PDE8A: variants seen among roughly 807,000 people sequenced by gnomAD.
PDE8A encodes phosphodiesterase 8A.
A neutral mutation model predicts 105.0 loss-of-function variants in PDE8A; 59 were observed. The ratio of observed to expected loss-of-function variants is 0.56; its 90% CI spans 0.46 to 0.70. The LOEUF is 0.70. Ranked by LOEUF, PDE8A falls within the 30% of genes least tolerant of loss-of-function variation. The probability of loss-of-function intolerance (pLI) is 0.00; values close to 1 mark genes in which losing one functional copy is unlikely to be tolerated. For synonymous variants in PDE8A, 355 were observed against 371.9 expected, an observed-to-expected ratio of 0.95 and a Z score of 0.52; for missense variants, 1,014 against 1,045.9, an observed-to-expected ratio of 0.97 and a Z score of 0.42.
chr15:85,090,156 C>A (rs1288371512), intron 7 of PDE8A, among the ~76,000 whole-genome samples: 1 of 152,172 alleles, frequency 6.6e-6, no homozygotes, highest in Non-Finnish European at 1.5e-5. Flanking sequence ...TGTTTGAGGG[C>A]ACAGGCTTTG....
intron 1 of PDE8A, among the ~76,000 whole-genome samples, chr15:85,038,216 G>GGTGTGTGT (rs773765859): frequency 8.3e-5 from 4 of 48,292 alleles, no homozygotes; most frequent in Non-Finnish European, 1.3e-4. Context: ...CCAATTGGGG[G>GGTGTGTGT]GTGTGTGTGT....
chr15:85,052,128 C>T (rs2080985473), intron 1 of PDE8A, among the ~76,000 whole-genome samples: 2 of 152,146 alleles, frequency 1.3e-5, no homozygotes, highest in Admixed American at 1.3e-4. Flanking sequence ...CAGCTTCATC[C>T]ATGTCCCTAC....
chr15:85,083,502 C>A, intron 5 of PDE8A, 54 bp from the exon 6 acceptor site: 1 of 1,046,160 alleles, frequency 9.6e-7, no homozygotes, highest in Non-Finnish European at 1.5e-6. Flanking sequence ...TTTTTATTGG[C>A]ACAAATAAAG....
chr15:85,107,062 A>G (rs773968080), intron 11 of PDE8A, among the ~76,000 whole-genome samples: 1 of 152,192 alleles, frequency 6.6e-6, no homozygotes, highest in Non-Finnish European at 1.5e-5. Flanking sequence ...CAAGACAATA[A>G]AGCAGGCTGT....
intron 3 of PDE8A, among the ~76,000 whole-genome samples, chr15:85,072,810 C>CT (rs1389819073): frequency 2.0e-5 from 3 of 152,148 alleles, no homozygotes; most frequent in African/African-American, 7.2e-5. Context: ...AAGTAGCATG[C>CT]TTTTAAGACT....
At chr15:85,029,475 G>C (rs544852345) in intron 1 of PDE8A, among the ~76,000 whole-genome samples, 3 of 149,570 alleles carry the variant, frequency 2.0e-5, no homozygotes, top group East Asian at 3.9e-4. Flanking sequence ...AATTTGCAGA[G>C]ACAATGCTAT....
Position 84,982,194 on chromosome 15 carries a change from A to T in PDE8A, c.32A>T (p.Glu11Val), listed in dbSNP as rs2079723162. The T allele has an allele frequency of 2.0e-6, 3 of 1,483,904 alleles. No individual in the cohort carries two copies. Among genetic ancestry groups the T allele is most frequent in the African/African-American group, 1.5e-5 (1 of 68,118 alleles). The allele number at this position is 1,483,904 out of a possible 1,614,324, so 91.9% of individuals were successfully genotyped here. A position where few individuals can be genotyped will look rare whatever the true frequency, so the allele number is the denominator to read the frequency against. MGCAPSIHIS[E>V]RLVAEDAPSP... The stretch of plus-strand genomic sequence containing the variant: ...TGTGCCCCGAGCATCCACATTTCCG[A>T]GCGCCTGGTGGCCGAGGACGCGCCT... The change falls in exon 1 of 22, where the codon GAG (glutamate) becomes GTG (valine). Residue 11 changes from glutamate (E) to valine (V), a missense_variant. Coordinates refer to ENST00000394553, the MANE Select transcript of PDE8A (RefSeq NM_002605.3).
intron 8 of PDE8A, among the ~76,000 whole-genome samples, chr15:85,096,001 G>A (rs917968239): frequency 2.0e-4 from 31 of 151,594 alleles, no homozygotes; most frequent in African/African-American, 6.3e-4. Context: ...TCAGCCTCCC[G>A]AGTAGCTGGG....
intron 1 of PDE8A, among the ~76,000 whole-genome samples, chr15:85,005,826 A>G (rs1196163263): frequency 1.3e-5 from 2 of 152,116 alleles, no homozygotes; most frequent in Non-Finnish European, 2.9e-5. Flanking sequence ...AATACATATA[A>G]TAAGTTTAAA....
chr15:85,045,148 C>T (rs1056576001), intron 1 of PDE8A, among the ~76,000 whole-genome samples: 4 of 152,316 alleles, frequency 2.6e-5, no homozygotes, highest in South Asian at 4.1e-4. Flanking sequence ...TCCTGCATTG[C>T]TGCCTCAGAG....
intron 1 of PDE8A, among the ~76,000 whole-genome samples, chr15:85,054,848 G>A (rs577882609): frequency 1.3e-5 from 2 of 152,238 alleles, no homozygotes; most frequent in South Asian, 4.1e-4. Context: ...CTTGCCTTCT[G>A]CTAGCTTTTG....
intron 1 of PDE8A, among the ~76,000 whole-genome samples, chr15:85,019,288 A>G (rs763762470): frequency 1.3e-5 from 2 of 152,250 alleles, no homozygotes; most frequent in African/African-American, 2.4e-5. Flanking sequence ...ACACACATAG[A>G]TGTATTTAGG....
intron 1 of PDE8A, among the ~76,000 whole-genome samples, chr15:85,029,467 T>C (rs1476667326): frequency 2.0e-5 from 3 of 150,210 alleles, no homozygotes; most frequent in African/African-American, 7.4e-5. Flanking sequence ...CAGTCACAAA[T>C]TTGCAGAGAC....
At chr15:85,113,304 A>G (rs1385430528) in intron 12 of PDE8A, 73 bp from the exon 13 acceptor site, 1 of 1,222,392 alleles carries the variant, frequency 8.2e-7, no homozygotes, top group Non-Finnish European at 1.2e-6. Context: ...AGCCGAGCAC[A>G]CTGAGCCCTC....
At chr15:85,064,469 T>G in intron 2 of PDE8A, 43 bp downstream of exon 2, 1 of 1,330,058 alleles carries the variant, frequency 7.5e-7, no homozygotes, top group Non-Finnish European at 1.1e-6. Context: ...CTGATTTTCT[T>G]TAAAAAGGGT....
chr15:85,097,759 C>T (rs2081782312), intron 8 of PDE8A, 189 bp from the exon 9 acceptor site: 2 of 557,406 alleles, frequency 3.6e-6, no homozygotes, highest in South Asian at 2.2e-5. Context: ...CTTTTGTCAG[C>T]AACTCAGAAG....
chr15:85,051,181 A>G (rs1437422001), intron 1 of PDE8A, among the ~76,000 whole-genome samples: 1 of 152,094 alleles, frequency 6.6e-6, no homozygotes, highest in Non-Finnish European at 1.5e-5. Context: ...TGCTGACTTT[A>G]TTAGTTCTAA....
chr15:85,103,109 C>T (rs781501294), intron 11 of PDE8A, among the ~76,000 whole-genome samples: 125 of 152,144 alleles, frequency 8.2e-4, no homozygotes, highest in Admixed American at 1.5e-3. Context: ...GTAGTCCCAG[C>T]TACAGGGGAG....
Position 85,098,004 on chromosome 15 carries a change from T to G in PDE8A, c.909T>G (p.Asn303Lys), listed in dbSNP as rs1221330354. Reference protein sequence around the residue: ...KKKNGDNIQQNVKIIPVIGQG... With the variant: ...KKKNGDNIQQKVKIIPVIGQG... ...AAAACGGAGATAATATACAACAAAATGTGAAGATAATACCTGTCATTGGAC... is the reference window on the plus strand; with the variant it reads ...AAAACGGAGATAATATACAACAAAAGGTGAAGATAATACCTGTCATTGGAC... Residue 303 changes from asparagine (N) to lysine (K), a missense_variant, in exon 9 of 22, where the codon AAT becomes AAG. Coordinates refer to ENST00000394553, the MANE Select transcript of PDE8A (RefSeq NM_002605.3). 6.2e-7 allele frequency: 1 copy of G among 1,602,862 alleles called. No individual in the cohort carries two copies. The highest frequency in any genetic ancestry group is 1.7e-5 in the Admixed American group (1 of 59,882).
Sources: allele counts gnomAD v4.1 joint callset (sites outside exome capture counted in the v4.1 genomes callset), GRCh38; gene constraint gnomAD v4.1.1; transcripts MANE v1.5; gene names NCBI Gene and HGNC (gene_info 2026-07-23, HGNC 2026-07-21).